The following DDX19B variants were observed in gnomAD, a reference collection of about 807,000 sequenced individuals.
DDX19B encodes the protein DEAD-box helicase 19B, also known as ATP-dependent RNA helicase DDX19B.
In DDX19B, 27 loss-of-function variants were observed where a neutral mutation model predicts 58.1. The ratio of observed to expected loss-of-function variants is 0.46; its 90% confidence interval spans 0.34 to 0.64. The LOEUF (loss-of-function observed/expected upper bound fraction) is 0.64. DDX19B is among the 30% of genes least tolerant of loss of function. DDX19B has a pLI of 0.01. For synonymous variants in DDX19B, 187 were observed against 214.4 expected, an observed-to-expected ratio of 0.87 and a Z score of 1.12; for missense variants, 399 against 596.5, an observed-to-expected ratio of 0.67 and a Z score of 3.45.
intron 5 of DDX19B, among the ~76,000 whole-genome samples, chr16:70,318,318 G>T (rs1162028884): frequency 6.6e-6 from 1 of 151,668 alleles, no homozygotes; most frequent in East Asian, 1.9e-4. Context: ...AGGCTACAGG[G>T]AGCTGAGATC....
intron 5 of DDX19B, 142 bp from the exon 6 acceptor site, chr16:70,324,443 C>T: frequency 1.6e-6 from 1 of 625,210 alleles, no homozygotes; most frequent in East Asian, 3.1e-5. Flanking sequence ...TCTATAGTGC[C>T]CTGTTCTTGT....
intron 1 of DDX19B, among the ~76,000 whole-genome samples, chr16:70,303,812 G>T (rs1254429208): frequency 6.6e-6 from 1 of 152,094 alleles, no homozygotes; most frequent in Non-Finnish European, 1.5e-5. Flanking sequence ...GCCCACCTCG[G>T]CCTCCCAAAG....
At chr16:70,321,260 C>A (rs1021436347) in intron 5 of DDX19B, among the ~76,000 whole-genome samples, 1 of 152,142 alleles carries the variant, frequency 6.6e-6, no homozygotes, top group African/African-American at 2.4e-5. Flanking sequence ...CTGCGCCCGG[C>A]CTTCAGGCTT....
intron 1 of DDX19B, among the ~76,000 whole-genome samples, chr16:70,303,077 G>C (rs1174054291): frequency 6.6e-6 from 1 of 152,088 alleles, no homozygotes; most frequent in Admixed American, 6.6e-5. Flanking sequence ...AAGTAGGATT[G>C]TTTTTGTTTT....
chr16:70,294,249 T>G (rs991215843), upstream of DDX19B, among the ~76,000 whole-genome samples: 2 of 151,898 alleles, frequency 1.3e-5, no homozygotes, highest in Non-Finnish European at 2.9e-5. Flanking sequence ...GCCCAGCTAA[T>G]TTTTTGTATT....
upstream of DDX19B, among the ~76,000 whole-genome samples, chr16:70,298,389 G>C (rs1461434024): frequency 6.6e-6 from 1 of 151,952 alleles, no homozygotes; most frequent in Non-Finnish European, 1.5e-5. Context: ...CTGGGCGACA[G>C]AGCCAGACTC....
At chr16:70,299,132 G>A (rs1961339419), upstream of DDX19B, 1 of 1,358,422 alleles carries the variant, frequency 7.4e-7, no homozygotes, top group African/African-American at 1.5e-5. Flanking sequence ...GTGGGCAAAG[G>A]GTGGCCAAAC....
intron 6 of DDX19B, 69 bp from the exon 7 acceptor site, chr16:70,325,505 C>A: frequency 9.7e-7 from 1 of 1,033,108 alleles, no homozygotes; most frequent in Admixed American, 1.9e-5. Flanking sequence ...TGGCTAAGTA[C>A]TAATGGTAAT....
chr16:70,296,000 T>G (rs1961203054), upstream of DDX19B, among the ~76,000 whole-genome samples: 1 of 150,618 alleles, frequency 6.6e-6, no homozygotes, highest in Non-Finnish European at 1.5e-5. Context: ...GTGTGTATCT[T>G]AAGCATTTTT....
At chr16:70,330,207 G>C (rs897548739) in intron 9 of DDX19B, 139 bp downstream of exon 9, 45 of 939,896 alleles carry the variant, frequency 4.8e-5, no homozygotes, top group Non-Finnish European at 7.2e-5. Context: ...TGAGTCGTAA[G>C]AGGGAGACTT....
upstream of DDX19B, among the ~76,000 whole-genome samples, chr16:70,295,587 C>T (rs1274304691): frequency 6.6e-6 from 1 of 152,014 alleles, no homozygotes; most frequent in Non-Finnish European, 1.5e-5. Flanking sequence ...TGCTGTCTTC[C>T]TGGGATGAGT....
At chr16:70,304,277 G>C (rs1464634989) in intron 1 of DDX19B, among the ~76,000 whole-genome samples, 1 of 151,514 alleles carries the variant, frequency 6.6e-6, no homozygotes, top group Non-Finnish European at 1.5e-5. Flanking sequence ...CTGACCTCAT[G>C]ATCTGCCCGC....
At chr16:70,306,149 TTTG>T (rs1008136448) in intron 1 of DDX19B, among the ~76,000 whole-genome samples, 37 of 151,426 alleles carry the variant, frequency 2.4e-4, no homozygotes, top group East Asian at 7.8e-4. Context: ...GTTGTTGTTG[TTTG>T]TTGTTGTTGT....
Position 70,329,758 on chromosome 16 carries a change from C to A in DDX19B, c.786-73C>A, listed in dbSNP as rs1963381012. ...AGCCTTCCTGGGCATCTAGACCCTC[C>A]CAGCTGGGAAGGCTGTGCTTCTGTC... On this transcript the variant is annotated intron_variant, in intron 8 of 11. Coordinates refer to ENST00000288071, the MANE Select transcript of DDX19B (RefSeq NM_007242.7). 6.3e-6 allele frequency: 10 copies of A among 1,592,310 alleles called. 1 individual carries two copies. The Middle Eastern group carries it at 1.5e-3, about 242-fold the overall frequency.
chr16:70,308,769 T>C (rs887394275), intron 1 of DDX19B, among the ~76,000 whole-genome samples: 19 of 151,832 alleles, frequency 1.3e-4, no homozygotes, highest in Non-Finnish European at 4.4e-5. Context: ...CATTTCAGCC[T>C]CCCAAAGTGC....
intron 1 of DDX19B, 136 bp from the exon 2 acceptor site, chr16:70,312,473 C>A: frequency 1.3e-6 from 1 of 751,310 alleles, no homozygotes. Context: ...CGGAACAACC[C>A]AATGAATTGG....
chr16:70,332,301 GTATT>G (rs1273172334), intron 10 of DDX19B, among the ~76,000 whole-genome samples: 2 of 152,170 alleles, frequency 1.3e-5, no homozygotes, highest in South Asian at 2.1e-4. Flanking sequence ...TGTCCCAAAT[GTATT>G]TATTTATTTT....
At chr16:70,317,757 G>A in intron 5 of DDX19B, 169 bp downstream of exon 5, 1 of 432,924 alleles carries the variant, frequency 2.3e-6, no homozygotes, top group Non-Finnish European at 4.1e-6. Context: ...GGGCGATGTA[G>A]CAAGACCCTG....
At chr16:70,303,449 C>T (rs1244905621) in intron 1 of DDX19B, among the ~76,000 whole-genome samples, 3 of 152,162 alleles carry the variant, frequency 2.0e-5, no homozygotes, top group Middle Eastern at 3.4e-3. Context: ...AGTCCTTTAT[C>T]GGATATGTTT....
Sources: allele counts gnomAD v4.1 joint callset (sites outside exome capture counted in the v4.1 genomes callset), GRCh38; gene constraint gnomAD v4.1.1; transcripts MANE v1.5; gene names NCBI Gene and HGNC (gene_info 2026-07-23, HGNC 2026-07-21).